Variants in TTF1 observed in about 807,000 individuals in gnomAD.
TTF1 encodes transcription termination factor 1.
TTF1 carries 64 observed loss-of-function variants against 80.2 expected under a neutral mutation model. That is an observed-to-expected ratio of 0.80 (90% CI 0.65 to 0.98). The LOEUF is 0.98. Among genes scored for constraint, TTF1 ranks in the 50% least tolerant of loss-of-function variants. The probability of loss-of-function intolerance (pLI) is 0.00; values close to 1 mark genes in which losing one functional copy is unlikely to be tolerated. For missense variants in TTF1, 1,023 were observed against 1,086.2 expected (o/e 0.94, Z 0.82); for synonymous variants, 372 against 382.7 (o/e 0.97, Z 0.33).
Position 132,392,185 on chromosome 9 carries a change from C to T in TTF1, c.1878G>A (p.Glu626=), listed in dbSNP as rs761158939. ...YKGRYSEGDT[E]KLKMYHSLLG... is the part of the protein sequence containing the mutation. Reference sequence around the variant, plus strand: ...GGAGAGAATGGTACATCTTTAACTTCTCAGTATCTCCTTCGCTATACCTAG... The same window carrying T: ...GGAGAGAATGGTACATCTTTAACTTTTCAGTATCTCCTTCGCTATACCTAG... Residue 626 remains glutamate, a synonymous_variant, in exon 6 of 11, where the codon GAG becomes GAA. Transcript: ENST00000334270. The T allele has an allele frequency of 6.2e-7, 1 of 1,614,204 alleles. No individual in the cohort carries two copies. Among genetic ancestry groups the T allele is most frequent in the Admixed American group, 1.7e-5 (1 of 60,014 alleles).
chr9:132,400,203 T>C lies in TTF1; in HGVS notation c.1423A>G (p.Arg475Gly). The C allele has an allele frequency of 1.2e-6, 2 of 1,614,218 alleles. No individual in the cohort carries two copies. Among genetic ancestry groups the C allele is most frequent in the South Asian group, 2.2e-5 (2 of 91,084 alleles). ...TCTCCTGAATCTGCAGATAAGTATCTTATTTCGGAATCTTCAGCTGTTTCC... is the reference window on the plus strand; with the variant it reads ...TCTCCTGAATCTGCAGATAAGTATCCTATTTCGGAATCTTCAGCTGTTTCC... ...NVETAEDSEIRYLSADSGDAD... is the reference protein window; with the variant it reads ...NVETAEDSEIGYLSADSGDAD... Residue 475 changes from arginine (R) to glycine (G), a missense_variant, in exon 3 of 11, where the codon AGA becomes GGA. Physicochemically the swap from Arg to Gly is moderately radical, Grantham distance 125. Transcript: ENST00000334270.
chr9:132,378,704 T>A (rs1849310834), intron 10 of TTF1, among the ~76,000 whole-genome samples: 1 of 150,276 alleles, frequency 6.7e-6, no homozygotes, highest in Non-Finnish European at 1.5e-5. Flanking sequence ...GCATGTGGTG[T>A]GAGTGCATGT....
chr9:132,400,465 G>C (rs1470610204), intron 2 of TTF1, among the ~76,000 whole-genome samples: 3 of 152,268 alleles, frequency 2.0e-5, no homozygotes, highest in Admixed American at 2.0e-4. Context: ...TGGGACTACA[G>C]GTACGCGCCA....
intron 6 of TTF1, 74 bp from the exon 7 acceptor site, chr9:132,390,905 T>G: frequency 7.2e-7 from 1 of 1,387,368 alleles, no homozygotes; most frequent in Non-Finnish European, 9.9e-7. Context: ...AATGAAATGA[T>G]AAATCGGGTA....
chr9:132,377,276 G>GTGCATGTGGTGCATGTGAA (rs1336941956), intron 10 of TTF1, among the ~76,000 whole-genome samples: 2 of 148,052 alleles, frequency 1.4e-5, no homozygotes, highest in East Asian at 4.0e-4. Context: ...TGTGGTGTGA[G>GTGCATGTGGTGCATGTGAA]TGCATGTGGT....
Position 132,398,209 on chromosome 9 carries a change from T to C in TTF1, c.1709A>G (p.Asp570Gly). 6.2e-7 allele frequency: 1 copy of C among 1,600,180 alleles called. No individual in the cohort carries two copies. Among genetic ancestry groups the C allele is most frequent in the Non-Finnish European group, 8.5e-7 (1 of 1,176,086 alleles). Residue 570 changes from aspartate (D) to glycine (G), a missense_variant, in exon 4 of 11, where the codon GAC becomes GGC. Transcript: ENST00000334270. ...CACAGATTTTTCCTCAGGATATCTGTCCGTGTACAGCAGCTTGTCTGCACT... is the reference window on the plus strand; with the variant it reads ...CACAGATTTTTCCTCAGGATATCTGCCCGTGTACAGCAGCTTGTCTGCACT... ...IESADKLLYT[D>G]RYPEEKSVIT...
chr9:132,400,275 T>C lies in TTF1; in HGVS notation c.1368-17A>G, dbSNP rs1238020598. ...GGTTCTAACCTAAGGGGTTAGAAAA[T>C]TGGGTTGACTAACATTAACACATCA... On this transcript the variant is annotated splice_polypyrimidine_tract_variant and intron_variant, in intron 2 of 10. Transcript: ENST00000334270. The C allele has an allele frequency of 1.9e-6, 3 of 1,608,516 alleles. No homozygotes were observed.
intron 10 of TTF1, among the ~76,000 whole-genome samples, chr9:132,378,660 CGTGTGTGAGTGCATGCATGTGGT>C (rs1268239406): frequency 4.3e-5 from 4 of 93,960 alleles, no homozygotes; most frequent in African/African-American, 1.3e-4. Flanking sequence ...TGAGTGCATA[CGTGTGTGAGTGCATGCATGTGGT>C]GTGTGTGAGT....
intron 5 of TTF1, among the ~76,000 whole-genome samples, chr9:132,395,832 C>T (rs1486507842): frequency 6.6e-6 from 1 of 152,186 alleles, no homozygotes; most frequent in Non-Finnish European, 1.5e-5. Flanking sequence ...CTTCCTGCTT[C>T]TCCTTCTGTC....
chr9:132,396,592 T>C, intron 4 of TTF1, 81 bp from the exon 5 acceptor site: 1 of 1,099,814 alleles, frequency 9.1e-7, no homozygotes, highest in Non-Finnish European at 1.4e-6. Flanking sequence ...ACAGCCCTTA[T>C]AACAACATGA....
chr9:132,390,933 T>C lies in TTF1; in HGVS notation c.1988-102A>G, dbSNP rs140778019. On this transcript the variant is annotated intron_variant, in intron 6 of 10. Coordinates refer to ENST00000334270, the MANE Select transcript of TTF1 (RefSeq NM_007344.4). ...ATCGGGTACTTTTCAGAAAATAATGTGCATCTCAATTATATAGACATAAAA... is the reference window on the plus strand; with the variant it reads ...ATCGGGTACTTTTCAGAAAATAATGCGCATCTCAATTATATAGACATAAAA... 109 of 1,027,936 alleles carry C rather than the reference T, an allele frequency of 1.1e-4. No individual in the cohort carries two copies. In the African/African-American group the frequency reaches 1.6e-3, roughly 15 times the overall value. 63.7% of individuals were successfully genotyped at this position (1,027,936 alleles called of 1,614,324 possible).
chr9:132,398,743 T>A (rs1466411007), intron 3 of TTF1, among the ~76,000 whole-genome samples: 1 of 151,992 alleles, frequency 6.6e-6, no homozygotes, highest in African/African-American at 2.4e-5. Flanking sequence ...TACAGGTGTG[T>A]GTGACACCTG....
intron 3 of TTF1, 125 bp downstream of exon 3, chr9:132,399,910 T>C (rs1050898030): frequency 1.6e-5 from 16 of 1,001,876 alleles, no homozygotes; most frequent in South Asian, 3.2e-5. Context: ...TGGTAGGAGA[T>C]AGAGGTGAAG....
At chr9:132,389,182 CTTTTTT>C (rs548985050) in intron 7 of TTF1, among the ~76,000 whole-genome samples, 1 of 135,116 alleles carries the variant, frequency 7.4e-6, no homozygotes, top group South Asian at 2.3e-4. Context: ...CTCACTCTTC[CTTTTTT>C]TTTTTTTTTT....
intron 10 of TTF1, among the ~76,000 whole-genome samples, chr9:132,377,788 T>G (rs1849247390): frequency 9.0e-6 from 1 of 111,192 alleles, no homozygotes; most frequent in African/African-American, 3.6e-5. Context: ...TGTGAGTGCA[T>G]GTGGTGTGTG....
intron 3 of TTF1, among the ~76,000 whole-genome samples, chr9:132,399,450 C>T (rs1417644072): frequency 6.6e-6 from 1 of 151,992 alleles, no homozygotes; most frequent in Non-Finnish European, 1.5e-5. Flanking sequence ...ACAACAGATA[C>T]TCAGTAAATA....
chr9:132,385,156 AG>A (rs1233942992), intron 9 of TTF1, among the ~76,000 whole-genome samples: 1 of 152,218 alleles, frequency 6.6e-6, no homozygotes, highest in Non-Finnish European at 1.5e-5. Context: ...GGGTCTCGGC[AG>A]GGTAACACAT....
At chr9:132,396,154 A>C (rs186122624) in intron 5 of TTF1, among the ~76,000 whole-genome samples, 4 of 152,218 alleles carry the variant, frequency 2.6e-5, no homozygotes, top group Non-Finnish European at 5.9e-5. Context: ...CAGAGTAAAC[A>C]GGAGTCACAG....
At chr9:132,377,178 T>TGAGTGCATGCATGTGGC (rs1849196152) in intron 10 of TTF1, among the ~76,000 whole-genome samples, 1 of 144,748 alleles carries the variant, frequency 6.9e-6, no homozygotes, top group Admixed American at 6.8e-5. Flanking sequence ...ATGCATGTGG[T>TGAGTGCATGCATGTGGC]GTGTGAGTGC....
Sources: gnomAD v4.1 joint callset for allele counts (sites outside exome capture counted in the v4.1 genomes callset) on GRCh38, gnomAD v4.1.1 for gene constraint, MANE v1.5 for transcripts, NCBI Gene and HGNC (gene_info 2026-07-23, HGNC 2026-07-21) for gene names.